HPSE2: variants seen among roughly 807,000 people sequenced by gnomAD.
The protein encoded by HPSE2 is inactive heparanase-2.
In HPSE2, 38 loss-of-function variants were observed where a neutral mutation model predicts 60.5. That is an observed-to-expected ratio of 0.63 (90% confidence interval 0.48 to 0.82). The LOEUF (loss-of-function observed/expected upper bound fraction) is 0.82. Among genes scored for constraint, HPSE2 ranks in the 40% least tolerant of loss-of-function variants. The pLI, the probability that HPSE2 is intolerant of heterozygous loss-of-function variation, is 0.00. For missense variants in HPSE2, 713 were observed against 740.4 expected (o/e 0.96, Z 0.43); for synonymous variants, 295 against 293.2 (o/e 1.01, Z -0.06).
chr10:98,733,320 T>C (rs116601905), intron 4 of HPSE2, among the ~76,000 whole-genome samples: 2,011 of 152,096 alleles, frequency 0.013, 54 homozygotes, highest in African/African-American at 0.046. Context: ...TGGGGTTTCA[T>C]TATGTTTCCA....
chr10:98,620,932 C>T lies in HPSE2; in HGVS notation c.1099-224G>A, dbSNP rs1035461942. 2.0e-5 allele frequency among the ~76,000 whole-genome samples: 3 copies of T among 152,070 alleles called. 1 individual carries two copies. Among genetic ancestry groups the T allele is most frequent in the Non-Finnish European group, 4.4e-5 (3 of 68,006 alleles). ...CCACTTAAAGAAATTATCATTTTTC[C>T]CTAAGTAAACCCAAGTGATAATGTG... On this transcript the variant is annotated intron_variant, in intron 7 of 11. Transcript: ENST00000370552.
the HPSE2 span, among the ~76,000 whole-genome samples, chr10:99,308,379 C>CAAAAAAAAA: frequency 0.13 from 3,542 of 27,798 alleles, 622 homozygotes; most frequent in East Asian, 0.22. Context: ...GACTCTGTCT[C>CAAAAAAAAA]AAAAAAAAAA....
At chr10:99,191,573 C>T (rs930423788) in intron 2 of HPSE2, among the ~76,000 whole-genome samples, 5 of 152,220 alleles carry the variant, frequency 3.3e-5, no homozygotes, top group African/African-American at 1.2e-4. Context: ...TGGGGTGCCC[C>T]CTCATGCAGA....
At chr10:99,232,604 T>C (rs1430361453) in intron 1 of HPSE2, 99 bp from the exon 2 acceptor site, 6 of 1,339,314 alleles carry the variant, frequency 4.5e-6, no homozygotes, top group Admixed American at 2.0e-5. Context: ...GAGGGCGACC[T>C]GGCCGGGGCT....
intron 9 of HPSE2, among the ~76,000 whole-genome samples, chr10:98,609,995 C>A (rs1359566184): frequency 2.0e-5 from 3 of 152,062 alleles, no homozygotes; most frequent in Admixed American, 6.6e-5. Flanking sequence ...GTGCCCGCCA[C>A]CATGCCTGGC....
chr10:98,911,578 A>G (rs1442862312), intron 3 of HPSE2, among the ~76,000 whole-genome samples: 3 of 152,158 alleles, frequency 2.0e-5, no homozygotes, highest in Non-Finnish European at 4.4e-5. Context: ...CAGCTGAAAC[A>G]TAAGGAGCTG....
At chr10:98,709,554 G>A (rs1039014125) in intron 5 of HPSE2, among the ~76,000 whole-genome samples, 4 of 152,214 alleles carry the variant, frequency 2.6e-5, no homozygotes, top group African/African-American at 9.7e-5. Context: ...AGAGGACAGG[G>A]CCTGTATCTA....
intron 4 of HPSE2, among the ~76,000 whole-genome samples, chr10:98,737,471 T>C (rs1436938723): frequency 1.0e-5 from 1 of 95,866 alleles, no homozygotes; most frequent in Non-Finnish European, 2.2e-5. Flanking sequence ...GCAAGCACTA[T>C]CCATCACAGC....
the HPSE2 span, among the ~76,000 whole-genome samples, chr10:99,305,961 A>ATACGCGCGTG: frequency 0.031 from 3,171 of 102,322 alleles, 306 homozygotes; most frequent in African/African-American, 0.13. Flanking sequence ...ACTCACACAC[A>ATACGCGCGTG]CGCGCGCGCG....
chr10:98,824,971 T>A (rs1352936447), intron 3 of HPSE2, among the ~76,000 whole-genome samples: 2 of 152,194 alleles, frequency 1.3e-5, no homozygotes, highest in Non-Finnish European at 2.9e-5. Flanking sequence ...CAGACATTTA[T>A]CAATAATCTA....
chr10:98,613,741 C>T (rs1323860826), intron 9 of HPSE2, among the ~76,000 whole-genome samples: 1 of 152,224 alleles, frequency 6.6e-6, no homozygotes, highest in Non-Finnish European at 1.5e-5. Flanking sequence ...CATGTCCCAC[C>T]TCCTTGCCCC....
intron 9 of HPSE2, among the ~76,000 whole-genome samples, chr10:98,586,623 C>T (rs1944947607): frequency 6.6e-6 from 1 of 152,146 alleles, no homozygotes; most frequent in South Asian, 2.1e-4. Flanking sequence ...CTAACAAATG[C>T]TCTGATTCTG....
At chr10:98,789,683 C>T (rs1252314) in intron 3 of HPSE2, among the ~76,000 whole-genome samples, 8,437 of 152,130 alleles carry the variant, frequency 0.055, 752 homozygotes, top group African/African-American at 0.19. Flanking sequence ...AGATGACAGC[C>T]GGAAGCTGTC....
chr10:98,671,307 G>A (rs974826965), intron 6 of HPSE2, among the ~76,000 whole-genome samples: 8 of 152,264 alleles, frequency 5.3e-5, no homozygotes, highest in Admixed American at 1.3e-4. Flanking sequence ...CTTGCTTGGA[G>A]TTAGAGAGCC....
chr10:99,261,970 C>T, the HPSE2 span, among the ~76,000 whole-genome samples: 1 of 152,224 alleles, frequency 6.6e-6, no homozygotes, highest in Admixed American at 6.5e-5. Context: ...GACTGTCCAA[C>T]TCGCCTGGCA....
chr10:98,511,254 G>A (rs1942383967), intron 9 of HPSE2, among the ~76,000 whole-genome samples: 1 of 151,582 alleles, frequency 6.6e-6, no homozygotes, highest in South Asian at 2.1e-4. Flanking sequence ...AGATTCAAGC[G>A]ATTCTCTTGC....
intron 3 of HPSE2, among the ~76,000 whole-genome samples, chr10:98,947,521 C>T (rs937069446): frequency 1.3e-5 from 2 of 152,008 alleles, no homozygotes; most frequent in Admixed American, 1.3e-4. Context: ...TTCCCAGGCA[C>T]CATTAAGAAA....
At chr10:98,565,629 G>A (rs1405847129) in intron 9 of HPSE2, among the ~76,000 whole-genome samples, 1 of 152,128 alleles carries the variant, frequency 6.6e-6, no homozygotes, top group Non-Finnish European at 1.5e-5. Context: ...TAACGCTGCA[G>A]TAAACATATG....
At chr10:98,550,845 G>A (rs1405492864) in intron 9 of HPSE2, among the ~76,000 whole-genome samples, 1 of 152,068 alleles carries the variant, frequency 6.6e-6, no homozygotes, top group African/African-American at 2.4e-5. Flanking sequence ...CTGGCTTCAA[G>A]TGATCCTCTC....
Sources: gnomAD v4.1 joint callset for allele counts (sites outside exome capture counted in the v4.1 genomes callset) on GRCh38, gnomAD v4.1.1 for gene constraint, MANE v1.5 for transcripts, NCBI Gene and HGNC (gene_info 2026-07-23, HGNC 2026-07-21) for gene names.